PVT1: variants seen among roughly 807,000 people sequenced by gnomAD.
PVT1 encodes Pvt1 oncogene, also known as CXCR4/PVT1 fusion.
chr8:127,817,505 ATT>A (rs1814677323), intron 2 of PVT1, among the ~76,000 whole-genome samples: 1 of 128,494 alleles, frequency 7.8e-6, no homozygotes, highest in African/African-American at 3.0e-5. Context: ...ATACATATAT[ATT>A]TAAATAGATA....
Position 127,889,358 on chromosome 8 carries a change from G to A in PVT1, n.373-1231G>A, listed in dbSNP as rs971660507. Among the ~76,000 whole-genome samples, 3 of 151,766 alleles carry A rather than the reference G, an allele frequency of 2.0e-5. No individual in the cohort carries two copies. The South Asian group carries it at 6.2e-4, about 32-fold the overall frequency. ...TTGGCCAGGCTGGTCTTGAATTCCT[G>A]GCCTCAAGGGATCCACCAGCCTCGG... is the stretch of plus-strand genomic sequence containing the variant. On this transcript the variant is annotated intron_variant and non_coding_transcript_variant, in intron 2 of 10. Transcript: ENST00000651587.
chr8:127,885,299 A>C (rs1815511209), intron 2 of PVT1, among the ~76,000 whole-genome samples: 1 of 152,214 alleles, frequency 6.6e-6, no homozygotes, highest in Non-Finnish European at 1.5e-5. Flanking sequence ...GCCCAGCAAC[A>C]TGCTAAGTCC....
intron 3 of PVT1, among the ~76,000 whole-genome samples, chr8:127,977,902 A>G (rs1233090680): frequency 6.6e-6 from 1 of 152,154 alleles, no homozygotes; most frequent in Non-Finnish European, 1.5e-5. Flanking sequence ...GGTTGCAGGC[A>G]TGTTCTCACC....
intron 3 of PVT1, among the ~76,000 whole-genome samples, chr8:127,891,217 G>A (rs867534800): frequency 1.3e-5 from 2 of 152,148 alleles, no homozygotes; most frequent in Non-Finnish European, 2.9e-5. Flanking sequence ...CCCAGTTTAC[G>A]TATCTGTCAC....
chr8:127,886,005 G>C (rs1815518632), intron 2 of PVT1, among the ~76,000 whole-genome samples: 1 of 152,136 alleles, frequency 6.6e-6, no homozygotes, highest in East Asian at 1.9e-4. Context: ...GCTGAGGCAG[G>C]AGAATCACTT....
chr8:127,857,165 G>T (rs1395715741), intron 2 of PVT1, among the ~76,000 whole-genome samples: 1 of 152,108 alleles, frequency 6.6e-6, no homozygotes, highest in East Asian at 1.9e-4. Context: ...GGAAGAAGTT[G>T]CAGTGAGCCA....
intron 3 of PVT1, among the ~76,000 whole-genome samples, chr8:127,986,971 T>C (rs10092081): frequency 0.12 from 18,694 of 152,178 alleles, 1,494 homozygotes; most frequent in Non-Finnish European, 0.17. Flanking sequence ...GGACATCAGC[T>C]TGCAAACCAA....
chr8:127,881,256 G>T (rs969412764), intron 2 of PVT1, among the ~76,000 whole-genome samples: 1 of 151,966 alleles, frequency 6.6e-6, no homozygotes, highest in Non-Finnish European at 1.5e-5. Flanking sequence ...TGCTGTTGAG[G>T]GTGACTTTGA....
At chr8:128,049,840 G>A (rs137898058) in intron 4 of PVT1, among the ~76,000 whole-genome samples, 188 of 152,290 alleles carry the variant, frequency 1.2e-3, no homozygotes, top group African/African-American at 3.9e-3. Flanking sequence ...CTCTCTGTGC[G>A]TCCGACTTCT....
intron 4 of PVT1, among the ~76,000 whole-genome samples, chr8:127,993,561 TC>T (rs1817068010): frequency 6.6e-6 from 1 of 152,222 alleles, no homozygotes; most frequent in African/African-American, 2.4e-5. Flanking sequence ...CATCAGCTCT[TC>T]TCCCCTGGAT....
intron 4 of PVT1, among the ~76,000 whole-genome samples, chr8:128,021,505 G>C (rs759668368): frequency 6.6e-6 from 1 of 151,974 alleles, no homozygotes; most frequent in Admixed American, 6.6e-5. Context: ...ATGTTAGCCA[G>C]GATGGTCTTG....
intron 4 of PVT1, among the ~76,000 whole-genome samples, chr8:128,011,236 T>C (rs1586480372): frequency 6.6e-6 from 1 of 152,204 alleles, no homozygotes; most frequent in African/African-American, 2.4e-5. Context: ...CTCAATCAGA[T>C]TTGCTTCTGT....
chr8:127,875,095 C>G (rs1017555120), intron 2 of PVT1, among the ~76,000 whole-genome samples: 2 of 152,148 alleles, frequency 1.3e-5, no homozygotes, highest in African/African-American at 4.8e-5. Context: ...TAGTTGCACT[C>G]AGTTTTCTAT....
chr8:127,984,987 CTT>C (rs1450378128), intron 3 of PVT1, among the ~76,000 whole-genome samples: 5 of 118,444 alleles, frequency 4.2e-5, no homozygotes, highest in African/African-American at 1.8e-4. Context: ...TCCTTTCTTT[CTT>C]TCTCTTTCCT....
intron 4 of PVT1, among the ~76,000 whole-genome samples, chr8:128,024,212 C>T (rs1481823377): frequency 1.3e-5 from 2 of 152,206 alleles, no homozygotes; most frequent in Non-Finnish European, 2.9e-5. Flanking sequence ...GAAGGCTACA[C>T]GGCAGTGAGT....
At position 127,849,468 on chromosome 8, in the gene PVT1, G is replaced by A. The variant is rs75182015; in HGVS notation, n.373-41121G>A. ...AAGACTGGTTTTCAATCAGATAAAGGTAGGATCCTATGAAAAACTCCTAGG... is the reference window on the plus strand; with the variant it reads ...AAGACTGGTTTTCAATCAGATAAAGATAGGATCCTATGAAAAACTCCTAGG... On this transcript the variant is annotated intron_variant and non_coding_transcript_variant, in intron 2 of 10. Coordinates refer to ENST00000651587, the Ensembl canonical transcript of PVT1. 7.2e-3 allele frequency among the ~76,000 whole-genome samples: 1,093 copies of A among 152,284 alleles called. 4 individuals are homozygous for A. The highest frequency in any genetic ancestry group is 9.2e-3 in the Non-Finnish European group (626 of 68,006).
intron 5 of PVT1, among the ~76,000 whole-genome samples, chr8:128,074,136 A>G (rs1814047574): frequency 6.6e-6 from 1 of 152,152 alleles, no homozygotes; most frequent in Non-Finnish European, 1.5e-5. Context: ...AAAATGGAAT[A>G]CTTTTTACAA....
rs1491272967 is a variant in PVT1 at position 127,889,033 on chromosome 8, T to TCCC, written n.373-1556_373-1555insCCC. On this transcript the variant is annotated intron_variant and non_coding_transcript_variant, in intron 2 of 10. Coordinates refer to ENST00000651587, the Ensembl canonical transcript of PVT1. Reference sequence around the variant, plus strand: ...TTTCAAACCCCTTTTCCTTTCTCTCTTTCTTTCTTCCTTCCTTCCTTCCTT... The same window carrying TCCC: ...TTTCAAACCCCTTTTCCTTTCTCTCTCCCTTCTTTCTTCCTTCCTTCCTTCCTT... Among the ~76,000 whole-genome samples, 8 of 72,548 alleles carry TCCC rather than the reference T, an allele frequency of 1.1e-4. No homozygotes were observed. The East Asian group carries it at 1.3e-3, about 11-fold the overall frequency. The allele number at this position is 72,548 out of a possible 152,430, so 47.6% of individuals were successfully genotyped here. A position where few individuals can be genotyped will look rare whatever the true frequency, so the allele number is the denominator to read the frequency against.
intron 2 of PVT1, among the ~76,000 whole-genome samples, chr8:127,882,374 C>G (rs1189146580): frequency 2.0e-5 from 3 of 152,190 alleles, no homozygotes; most frequent in African/African-American, 7.2e-5. Flanking sequence ...AGCCCCAGCT[C>G]CTGGGGTACC....
Sources: allele counts gnomAD v4.1 joint callset (sites outside exome capture counted in the v4.1 genomes callset), GRCh38; gene constraint gnomAD v4.1.1; transcripts MANE v1.5; gene names NCBI Gene and HGNC (gene_info 2026-07-23, HGNC 2026-07-21).